Variants in CDKN2B-AS1 observed in about 807,000 individuals in gnomAD.
CDKN2B-AS1 encodes the protein CDKN2B and CDKN2A antisense cis and trans regulatory RNA 1, also known as CDKN2B antisense RNA 1 (non-protein coding).
intron 4 of CDKN2B-AS1, among the ~76,000 whole-genome samples, chr9:22,075,430 A>G (rs1380362311): frequency 6.6e-6 from 1 of 152,218 alleles, no homozygotes; most frequent in Non-Finnish European, 1.5e-5. Flanking sequence ...AGACTCAGCG[A>G]TTGGGATGTA....
At chr9:22,012,363 T>C (rs1821546148) in intron 1 of CDKN2B-AS1, 2 of 1,055,944 alleles carry the variant, frequency 1.9e-6, no homozygotes, top group Non-Finnish European at 3.0e-6. Flanking sequence ...CCGCACCTGG[T>C]GCTGCACCTG....
chr9:22,033,188 T>C (rs925477063), intron 1 of CDKN2B-AS1, among the ~76,000 whole-genome samples: 3 of 152,074 alleles, frequency 2.0e-5, no homozygotes, highest in Non-Finnish European at 2.9e-5. Flanking sequence ...TGCAGAAGAA[T>C]TGACTTTTAC....
chr9:22,119,969 G>T (rs1563993520), intron 4 of CDKN2B-AS1: 1 of 152,166 alleles, frequency 6.6e-6, no homozygotes, highest in Non-Finnish European at 1.5e-5. Flanking sequence ...GGTTCAGCTA[G>T]ACTTTCATAT....
intron 4 of CDKN2B-AS1, among the ~76,000 whole-genome samples, chr9:22,111,791 A>G (rs925905485): frequency 3.9e-5 from 6 of 152,218 alleles, no homozygotes; most frequent in Non-Finnish European, 8.8e-5. Flanking sequence ...TTATGATGTG[A>G]CACTGACAAA....
chr9:22,018,294 CTT>C (rs879524676), intron 1 of CDKN2B-AS1, among the ~76,000 whole-genome samples: 6 of 142,904 alleles, frequency 4.2e-5, no homozygotes, highest in African/African-American at 1.3e-4. Flanking sequence ...ATCCTGATGA[CTT>C]TTTTTTTTTT....
At chr9:22,026,090 TAA>T (rs777273835) in intron 1 of CDKN2B-AS1, among the ~76,000 whole-genome samples, 15 of 132,096 alleles carry the variant, frequency 1.1e-4, no homozygotes, top group Non-Finnish European at 8.2e-5. Context: ...GGGGACCTGC[TAA>T]AAAAAAAAAA....
intron 1 of CDKN2B-AS1, among the ~76,000 whole-genome samples, chr9:22,025,869 G>A (rs1822214962): frequency 6.6e-6 from 1 of 152,142 alleles, no homozygotes; most frequent in Admixed American, 6.5e-5. Context: ...TGCCATACTG[G>A]GGGTATGCTT....
At chr9:22,071,601 T>C (rs1824298738) in intron 4 of CDKN2B-AS1, among the ~76,000 whole-genome samples, 1 of 152,114 alleles carries the variant, frequency 6.6e-6, no homozygotes, top group South Asian at 2.1e-4. Context: ...GGTATTTCTT[T>C]CTGGGACTGT....
intron 4 of CDKN2B-AS1, among the ~76,000 whole-genome samples, chr9:22,066,649 T>G (rs1824056964): frequency 6.6e-6 from 1 of 151,662 alleles, no homozygotes; most frequent in African/African-American, 2.4e-5. Context: ...CAATAATGTC[T>G]CAATAAACAT....
chr9:22,059,669 G>A (rs1249228450), intron 4 of CDKN2B-AS1, among the ~76,000 whole-genome samples: 1 of 152,218 alleles, frequency 6.6e-6, no homozygotes, highest in Non-Finnish European at 1.5e-5. Context: ...GACTGTGTGT[G>A]GGGGCTCTAA....
chr9:22,012,221 A>G (rs1724708812), intron 1 of CDKN2B-AS1: 3 of 1,411,402 alleles, frequency 2.1e-6, no homozygotes, highest in Admixed American at 1.7e-5. Context: ...CAGTGACACC[A>G]TTGAGAATGT....
chr9:22,125,537 T>G (rs540551864), intron 4 of CDKN2B-AS1, among the ~76,000 whole-genome samples: 6 of 152,306 alleles, frequency 3.9e-5, no homozygotes, highest in African/African-American at 1.4e-4. Flanking sequence ...AAGCAAGATA[T>G]ATGGTAAATA....
Position 22,008,875 on chromosome 9 carries a change from C to G in CDKN2B-AS1, n.29+13714C>G, listed in dbSNP as rs780316323. The stretch of plus-strand genomic sequence containing the variant: ...TCCAGGAGCTGTCGCACCTTCTCCA[C>G]TAGTCCCCGCGCCGCGGCGCTGGCC... On this transcript the variant is annotated intron_variant and non_coding_transcript_variant, in intron 1 of 4. Coordinates refer to ENST00000650946, the Ensembl canonical transcript of CDKN2B-AS1. 5.0e-6 allele frequency: 8 copies of G among 1,612,294 alleles called. No individual in the cohort carries two copies. The African/African-American group carries it at 9.3e-5, about 19-fold the overall frequency.
At chr9:22,126,964 A>T (rs771892162) in intron 4 of CDKN2B-AS1, among the ~76,000 whole-genome samples, 3 of 152,238 alleles carry the variant, frequency 2.0e-5, no homozygotes, top group African/African-American at 7.2e-5. Context: ...GAATGACATT[A>T]TGCATCAAAT....
intron 4 of CDKN2B-AS1, chr9:22,096,654 C>G (rs1825286577): frequency 6.6e-6 from 1 of 152,358 alleles, no homozygotes. Context: ...TTATTTGTCT[C>G]TGGCCACCTC....
intron 1 of CDKN2B-AS1, among the ~76,000 whole-genome samples, chr9:22,019,174 G>A (rs1324845080): frequency 6.6e-6 from 1 of 152,172 alleles, no homozygotes; most frequent in Admixed American, 6.6e-5. Context: ...ATGTTGTAGA[G>A]CTGTATAGGC....
chr9:22,007,393 C>T (rs1365997492), intron 1 of CDKN2B-AS1, among the ~76,000 whole-genome samples: 1 of 151,928 alleles, frequency 6.6e-6, no homozygotes, highest in Non-Finnish European at 1.5e-5. Context: ...ATAAATAGAG[C>T]TTGGATGTTA....
intron 4 of CDKN2B-AS1, among the ~76,000 whole-genome samples, chr9:22,100,704 T>C (rs1445896726): frequency 6.6e-6 from 1 of 152,196 alleles, no homozygotes; most frequent in Non-Finnish European, 1.5e-5. Context: ...GTATGGAAAA[T>C]TAATGTTTGA....
chr9:22,124,205 T>C (rs1232281924), intron 4 of CDKN2B-AS1, among the ~76,000 whole-genome samples: 1 of 152,228 alleles, frequency 6.6e-6, no homozygotes, highest in Non-Finnish European at 1.5e-5. Context: ...AAAGCCAAGA[T>C]TTTAATCCAT....
Sources: allele counts gnomAD v4.1 joint callset (sites outside exome capture counted in the v4.1 genomes callset), GRCh38; gene constraint gnomAD v4.1.1; transcripts MANE v1.5; gene names NCBI Gene and HGNC (gene_info 2026-07-23, HGNC 2026-07-21).